Variants in LRRC69 observed in about 807,000 individuals in gnomAD.
The protein encoded by LRRC69 is leucine rich repeat containing 69, also known as leucine-rich repeat-containing protein 69.
Under a neutral mutation model 37.8 loss-of-function variants are expected in LRRC69, and 42 were observed. The ratio of observed to expected loss-of-function variants is 1.11; its 90% CI spans 0.87 to 1.44. The LOEUF (loss-of-function observed/expected upper bound fraction) is 1.44, where lower values mean the gene tolerates loss of function less well. LRRC69 is among the 40% of genes most tolerant of loss of function. The pLI, the probability that LRRC69 is intolerant of heterozygous loss-of-function variation, is 0.00. For missense variants in LRRC69, 357 were observed against 401.9 expected, an observed-to-expected ratio of 0.89 and a Z score of 0.96; for synonymous variants, 141 against 143.1, an observed-to-expected ratio of 0.99 and a Z score of 0.11.
At position 91,157,481 on chromosome 8, in the gene LRRC69, C is replaced by T. The variant is rs370042476; in HGVS notation, c.651+21742C>T. The T allele has an allele frequency of 3.8e-6, 6 of 1,593,452 alleles. No individual in the cohort carries two copies. The East Asian group carries it at 1.1e-4, about 30-fold the overall frequency. ...ATATGCAAGAAAGGAAGTTTACATG[C>T]AAATTGGAGACAGAAAGATGTAGAC... On this transcript the variant is annotated intron_variant, in intron 5 of 7. Coordinates refer to ENST00000448384, the Ensembl canonical transcript of LRRC69.
chr8:91,109,403 C>T (rs1813373695), intron 1 of LRRC69, among the ~76,000 whole-genome samples: 5 of 152,068 alleles, frequency 3.3e-5, no homozygotes, highest in Admixed American at 3.3e-4. Flanking sequence ...TGTTATCTAC[C>T]TAATATAGGA....
At chr8:91,207,370 T>C (rs1809822488) in intron 7 of LRRC69, among the ~76,000 whole-genome samples, 1 of 152,238 alleles carries the variant, frequency 6.6e-6, no homozygotes, top group Non-Finnish European at 1.5e-5. Flanking sequence ...TAGTAGGTGC[T>C]TAATAAGTAT....
At chr8:91,138,002 T>A (rs1268366662) in intron 5 of LRRC69, among the ~76,000 whole-genome samples, 3 of 152,038 alleles carry the variant, frequency 2.0e-5, no homozygotes, top group Non-Finnish European at 4.4e-5. Flanking sequence ...ATTTCCTATT[T>A]TCTAAATTCG....
intron 1 of LRRC69, among the ~76,000 whole-genome samples, chr8:91,105,368 C>T (rs538734372): frequency 1.3e-5 from 2 of 151,802 alleles, no homozygotes; most frequent in South Asian, 4.2e-4. Context: ...ATATACAGCT[C>T]CATCCGTCTC....
chr8:91,155,617 G>A (rs1440673846), intron 5 of LRRC69, among the ~76,000 whole-genome samples: 2 of 150,546 alleles, frequency 1.3e-5, no homozygotes, highest in Non-Finnish European at 1.5e-5. Flanking sequence ...TTTTGTATTT[G>A]TTAACTAACG....
exon 3 of LRRC69, chr8:91,127,107 C>G (rs1813730732): frequency 1.3e-6 from 2 of 1,547,844 alleles, no homozygotes; most frequent in Non-Finnish European, 8.7e-7. Context: ...AAAATTTAAT[C>G]CTGCTTAATC....
intron 5 of LRRC69, among the ~76,000 whole-genome samples, chr8:91,176,134 A>ATATATT: frequency 2.5e-4 from 19 of 75,698 alleles, no homozygotes; most frequent in African/African-American, 9.7e-4. Flanking sequence ...ATATATATAT[A>ATATATT]TTTTTTTTTT....
At chr8:91,180,171 T>C (rs1458100241) in intron 5 of LRRC69, among the ~76,000 whole-genome samples, 1 of 152,180 alleles carries the variant, frequency 6.6e-6, no homozygotes, top group Non-Finnish European at 1.5e-5. Context: ...GTTCTGAGGA[T>C]TAGGAATCTG....
chr8:91,172,582 C>T (rs913947432), intron 5 of LRRC69, among the ~76,000 whole-genome samples: 12 of 151,970 alleles, frequency 7.9e-5, no homozygotes, highest in African/African-American at 2.2e-4. Context: ...ATGGCAAGAT[C>T]TCAGCTCACC....
At chr8:91,160,344 G>A (rs1808917426) in intron 5 of LRRC69, among the ~76,000 whole-genome samples, 1 of 150,194 alleles carries the variant, frequency 6.7e-6, no homozygotes, top group Non-Finnish European at 1.5e-5. Context: ...TGCAAATAGG[G>A]ACAATTTGAC....
At chr8:91,147,415 A>T (rs1808642105) in intron 5 of LRRC69, among the ~76,000 whole-genome samples, 1 of 150,882 alleles carries the variant, frequency 6.6e-6, no homozygotes, top group Non-Finnish European at 1.5e-5. Flanking sequence ...TACTTCATTT[A>T]AAAAAATCCA....
At chr8:91,197,035 T>C (rs1000710859) in intron 6 of LRRC69, among the ~76,000 whole-genome samples, 2 of 151,554 alleles carry the variant, frequency 1.3e-5, no homozygotes, top group Non-Finnish European at 3.0e-5. Flanking sequence ...GGATGTCCTT[T>C]CTGTTTGTTA....
chr8:91,217,046 G>A (rs986590813), intron 7 of LRRC69, among the ~76,000 whole-genome samples: 1 of 152,006 alleles, frequency 6.6e-6, no homozygotes, highest in African/African-American at 2.4e-5. Context: ...AGCCTATGGT[G>A]TCTCCTGTCT....
intron 1 of LRRC69, 122 bp from the exon 2 acceptor site, chr8:91,124,371 T>C: frequency 1.5e-6 from 1 of 658,134 alleles, no homozygotes; most frequent in Non-Finnish European, 2.2e-6. Context: ...GAAATAATTG[T>C]TTAAAAATAT....
intron 5 of LRRC69, among the ~76,000 whole-genome samples, chr8:91,149,350 T>C (rs180952819): frequency 6.7e-4 from 102 of 151,978 alleles, no homozygotes; most frequent in African/African-American, 2.2e-3. Flanking sequence ...GAATCCTTTC[T>C]CCATTTCTTG....
chr8:91,180,205 T>C (rs1222714792), intron 5 of LRRC69, among the ~76,000 whole-genome samples: 1 of 152,198 alleles, frequency 6.6e-6, no homozygotes, highest in Admixed American at 6.5e-5. Flanking sequence ...TGGTTGGTTC[T>C]AGCTCAGGGT....
At chr8:91,131,213 A>G (rs1268960193) in intron 3 of LRRC69, among the ~76,000 whole-genome samples, 1 of 149,484 alleles carries the variant, frequency 6.7e-6, no homozygotes, top group African/African-American at 2.5e-5. Context: ...CAATTTCCAT[A>G]TAAATTTTAA....
chr8:91,165,335 A>T (rs1334191265), intron 5 of LRRC69, among the ~76,000 whole-genome samples: 2 of 151,738 alleles, frequency 1.3e-5, no homozygotes, highest in Non-Finnish European at 2.9e-5. Flanking sequence ...CTGGGTTAGT[A>T]AAAGACTTAG....
At chr8:91,196,696 C>G (rs1427600430) in intron 6 of LRRC69, among the ~76,000 whole-genome samples, 1 of 151,686 alleles carries the variant, frequency 6.6e-6, no homozygotes, top group African/African-American at 2.4e-5. Context: ...TCAGCTCCAT[C>G]AGCTCCTTTA....
Sources: allele counts gnomAD v4.1 joint callset (sites outside exome capture counted in the v4.1 genomes callset), GRCh38; gene constraint gnomAD v4.1.1; transcripts MANE v1.5; gene names NCBI Gene and HGNC (gene_info 2026-07-23, HGNC 2026-07-21).